Variants in SGCZ observed in about 807,000 individuals in gnomAD.
SGCZ encodes the protein zeta-sarcoglycan.
SGCZ carries 40 observed loss-of-function variants against 41.3 expected under a neutral mutation model. That is an observed-to-expected ratio of 0.97 (90% CI 0.75 to 1.26). The LOEUF (loss-of-function observed/expected upper bound fraction) is 1.26. SGCZ is among the 50% of genes most tolerant of loss of function. The probability of loss-of-function intolerance (pLI) is 0.00; values close to 1 mark genes in which losing one functional copy is unlikely to be tolerated. For synonymous variants in SGCZ, 206 were observed against 137.5 expected (o/e 1.50, Z -3.49); for missense variants, 552 against 369.8 (o/e 1.49, Z -4.04).
At chr8:14,897,277 A>C (rs1805235572) in intron 1 of SGCZ, among the ~76,000 whole-genome samples, 1 of 152,234 alleles carries the variant, frequency 6.6e-6, no homozygotes, top group Non-Finnish European at 1.5e-5. Flanking sequence ...ACTATTAATA[A>C]AATTAATATC....
At chr8:14,631,843 T>C (rs1351495231) in intron 1 of SGCZ, among the ~76,000 whole-genome samples, 1 of 152,040 alleles carries the variant, frequency 6.6e-6, no homozygotes, top group Non-Finnish European at 1.5e-5. Flanking sequence ...TGCTTTATTT[T>C]AAAAAGAAAC....
chr8:15,045,764 C>T (rs1196009131), intron 1 of SGCZ, among the ~76,000 whole-genome samples: 1 of 152,154 alleles, frequency 6.6e-6, no homozygotes, highest in African/African-American at 2.4e-5. Flanking sequence ...TTGCAAGTGA[C>T]ATTTGACAAA....
At chr8:14,519,067 T>TAAA (rs58653228) in intron 2 of SGCZ, among the ~76,000 whole-genome samples, 5,417 of 113,464 alleles carry the variant, frequency 0.048, 401 homozygotes, top group African/African-American at 0.16. Context: ...AGACTCTGTC[T>TAAA]AAAAAAAAAA....
At chr8:14,629,720 AC>A (rs1806583891) in intron 1 of SGCZ, among the ~76,000 whole-genome samples, 2 of 131,460 alleles carry the variant, frequency 1.5e-5, no homozygotes, top group South Asian at 4.7e-4. Context: ...TCTATTTAGG[AC>A]TTTTTTAGGG....
intron 1 of SGCZ, among the ~76,000 whole-genome samples, chr8:15,035,347 T>C (rs1803835869): frequency 6.6e-6 from 1 of 152,082 alleles, no homozygotes; most frequent in South Asian, 2.1e-4. Context: ...CTACAGTTGA[T>C]GCACAAAATA....
chr8:14,424,358 C>G (rs1342730949), intron 2 of SGCZ, among the ~76,000 whole-genome samples: 3 of 152,142 alleles, frequency 2.0e-5, no homozygotes, highest in Admixed American at 6.6e-5. Flanking sequence ...ATATCCAAAG[C>G]TTTCAAAGAG....
intron 2 of SGCZ, among the ~76,000 whole-genome samples, chr8:14,499,764 T>C (rs1269800233): frequency 6.6e-6 from 1 of 150,724 alleles, no homozygotes; most frequent in African/African-American, 2.4e-5. Flanking sequence ...TATCAATTTG[T>C]ATATAGATAT....
chr8:15,029,307 A>C (rs1302654666), intron 1 of SGCZ, among the ~76,000 whole-genome samples: 6 of 152,084 alleles, frequency 3.9e-5, no homozygotes, highest in Non-Finnish European at 8.8e-5. Flanking sequence ...ATATAGAAAA[A>C]AACCATATGC....
intron 1 of SGCZ, among the ~76,000 whole-genome samples, chr8:15,229,348 G>A (rs920971786): frequency 6.6e-6 from 1 of 152,098 alleles, no homozygotes; most frequent in Admixed American, 6.5e-5. Flanking sequence ...CTTTATGAAA[G>A]CATAATAATA....
intron 1 of SGCZ, among the ~76,000 whole-genome samples, chr8:14,913,131 A>T (rs958725075): frequency 1.3e-5 from 2 of 152,098 alleles, no homozygotes; most frequent in Non-Finnish European, 2.9e-5. Context: ...TATCTTTTTA[A>T]TTATACATTC....
At chr8:15,045,181 A>T (rs991348655) in intron 1 of SGCZ, among the ~76,000 whole-genome samples, 2 of 152,068 alleles carry the variant, frequency 1.3e-5, no homozygotes, top group Non-Finnish European at 2.9e-5. Context: ...ACAGAAAAAG[A>T]CTGTCATTCA....
intron 3 of SGCZ, among the ~76,000 whole-genome samples, chr8:14,312,871 G>A (rs966281291): frequency 5.9e-4 from 90 of 152,218 alleles, no homozygotes; most frequent in African/African-American, 2.1e-3. Flanking sequence ...TGAATCTGAA[G>A]AAAACTATTA....
At chr8:14,678,665 T>A (rs571279898) in intron 1 of SGCZ, among the ~76,000 whole-genome samples, 12 of 152,188 alleles carry the variant, frequency 7.9e-5, no homozygotes, top group Non-Finnish European at 1.8e-4. Flanking sequence ...TATCCTATGA[T>A]CCAGCAATCG....
At chr8:15,077,233 C>T (rs2131037886) in intron 1 of SGCZ, among the ~76,000 whole-genome samples, 1 of 152,114 alleles carries the variant, frequency 6.6e-6, no homozygotes, top group Non-Finnish European at 1.5e-5. Flanking sequence ...GTGTTAAGTA[C>T]AATTATAAAA....
intron 3 of SGCZ, among the ~76,000 whole-genome samples, chr8:14,241,606 A>C (rs1798895725): frequency 6.6e-6 from 1 of 151,820 alleles, no homozygotes; most frequent in South Asian, 2.1e-4. Context: ...CAAGCCAATA[A>C]ATCTCCTATA....
intron 1 of SGCZ, among the ~76,000 whole-genome samples, chr8:14,847,061 G>C (rs1238026039): frequency 1.3e-5 from 2 of 150,752 alleles, no homozygotes; most frequent in Admixed American, 6.6e-5. Context: ...GACAGAGCAA[G>C]ACTTCATCTC....
At chr8:15,218,560 T>C (rs1317198319) in intron 1 of SGCZ, among the ~76,000 whole-genome samples, 1 of 152,202 alleles carries the variant, frequency 6.6e-6, no homozygotes, top group Non-Finnish European at 1.5e-5. Flanking sequence ...ACCAACACTC[T>C]AGTCTCATCC....
intron 3 of SGCZ, among the ~76,000 whole-genome samples, chr8:14,258,569 CT>C (rs1799545715): frequency 6.6e-6 from 1 of 152,080 alleles, no homozygotes. Flanking sequence ...CAAAAAAATA[CT>C]GATACTATAT....
chr8:14,954,499 T>A (rs1156918337), intron 1 of SGCZ, among the ~76,000 whole-genome samples: 1 of 152,112 alleles, frequency 6.6e-6, no homozygotes, highest in East Asian at 1.9e-4. Context: ...GATGGCAAAG[T>A]TATGTAATGC....
Sources: gnomAD v4.1 joint callset for allele counts (sites outside exome capture counted in the v4.1 genomes callset) on GRCh38, gnomAD v4.1.1 for gene constraint, MANE v1.5 for transcripts, NCBI Gene and HGNC (gene_info 2026-07-23, HGNC 2026-07-21) for gene names.